Variants in LCOR observed in about 807,000 individuals in gnomAD.
The protein encoded by LCOR is ligand-dependent corepressor.
In LCOR, 14 loss-of-function variants were observed where a neutral mutation model predicts 64.4. That is an observed-to-expected ratio of 0.22 (90% CI 0.14 to 0.34). The LOEUF is 0.34. Among genes scored for constraint, LCOR ranks in the 10% least tolerant of loss-of-function variants. The pLI, the probability that LCOR is intolerant of heterozygous loss-of-function variation, is 1.00. For synonymous variants in LCOR, 643 were observed against 642.5 expected (o/e 1.00, Z -0.01); for missense variants, 1,686 against 1,765.3 (o/e 0.96, Z 0.80).
At chr10:96,937,458 T>C (rs1198809106) in intron 4 of LCOR, among the ~76,000 whole-genome samples, 1 of 152,240 alleles carries the variant, frequency 6.6e-6, no homozygotes, top group Non-Finnish European at 1.5e-5. Context: ...ATTAGTAATT[T>C]ATAAACTCCC....
At chr10:96,944,284 C>T in intron 5 of LCOR, 39 bp downstream of exon 5, 1 of 962,604 alleles carries the variant, frequency 1.0e-6, no homozygotes, top group Non-Finnish European at 1.2e-6. Context: ...ATCTGCTTGT[C>T]TTGTATTATT....
intron 2 of LCOR, among the ~76,000 whole-genome samples, chr10:96,833,683 C>T (rs550420844): frequency 3.9e-5 from 6 of 152,356 alleles, no homozygotes; most frequent in South Asian, 2.1e-4. Flanking sequence ...CCCTTCTCCC[C>T]CAGGGGAATA....
At chr10:96,980,751 T>C (rs1848076687) in intron 7 of LCOR, 42 bp from the exon 8 acceptor site, 2 of 626,102 alleles carry the variant, frequency 3.2e-6, no homozygotes, top group Admixed American at 2.8e-5. Flanking sequence ...GGTTCTTTGG[T>C]AAATGACAAT....
At chr10:96,854,046 A>G (rs553965591) in intron 2 of LCOR, among the ~76,000 whole-genome samples, 1 of 152,294 alleles carries the variant, frequency 6.6e-6, no homozygotes, top group East Asian at 1.9e-4. Context: ...TCAAGGTGAG[A>G]TTCAGGTGGG....
rs762639752 is a variant in LCOR at position 96,845,449 on chromosome 10, C to CTTTTTTTTT, written c.-330+11999_-330+12007dup. Among the ~76,000 whole-genome samples the CTTTTTTTTT allele has an allele frequency of 4.7e-4, 23 of 48,686 alleles. 8 individuals are homozygous for CTTTTTTTTT. The highest frequency in any genetic ancestry group is 2.7e-3 in the East Asian group (4 of 1,488). The allele number at this position is 48,686 out of a possible 152,430, so 31.9% of individuals were successfully genotyped here. The stretch of plus-strand genomic sequence containing the variant: ...TTTGCCTCTTATAAATGGGCTTATC[C>CTTTTTTTTT]TTTTTTTTTTTTTTTTTTTTTTTTT... On this transcript the variant is annotated intron_variant, in intron 2 of 7. Transcript: ENST00000421806.
chr10:96,929,166 A>G (rs1358964266), intron 4 of LCOR, among the ~76,000 whole-genome samples: 2 of 152,136 alleles, frequency 1.3e-5, no homozygotes, highest in Non-Finnish European at 2.9e-5. Context: ...TAACAATCTC[A>G]TCAACCTGTT....
At chr10:96,963,943 T>C (rs935925037) in intron 7 of LCOR, 3 of 152,218 alleles carry the variant, frequency 2.0e-5, no homozygotes, top group Non-Finnish European at 2.9e-5. Context: ...CCCTTTACTC[T>C]TATGGACCTC....
In LCOR at chr10:96,833,447, G is replaced by T. The variant is rs1564595444; in HGVS notation, c.-362G>T. The T allele has an allele frequency of 2.0e-6, 2 of 986,018 alleles. No homozygotes were observed. The highest frequency in any genetic ancestry group is 6.1e-5 in the Admixed American group (1 of 16,274). The allele number at this position is 986,018 out of a possible 1,614,324, so 61.1% of individuals were successfully genotyped here. On this transcript the variant is annotated 5_prime_UTR_variant, in exon 2 of 8. Coordinates refer to ENST00000421806, the MANE Select transcript of LCOR (RefSeq NM_001346516.2). ...TGCGGCGGCCGGCGGGACCATAAGG[G>T]CTTAACTCATATATTTAACCCCCCT... is the stretch of plus-strand genomic sequence containing the variant.
chr10:96,967,075 T>A (rs1371543504), intron 7 of LCOR, among the ~76,000 whole-genome samples: 2 of 152,166 alleles, frequency 1.3e-5, no homozygotes, highest in Admixed American at 1.3e-4. Flanking sequence ...AATACTACTG[T>A]TTCTTGACTA....
At chr10:96,969,436 AAG>A (rs2134552929) in intron 7 of LCOR, among the ~76,000 whole-genome samples, 1 of 152,356 alleles carries the variant, frequency 6.6e-6, no homozygotes, top group African/African-American at 2.4e-5. Flanking sequence ...TTGGAAGTAG[AAG>A]ATGCTTAAGA....
chr10:96,891,623 A>C (rs991666672), intron 2 of LCOR, among the ~76,000 whole-genome samples: 1 of 129,734 alleles, frequency 7.7e-6, no homozygotes, highest in Non-Finnish European at 1.5e-5. Context: ...GTTCACTGCA[A>C]CTTCTGCCTC....
intron 2 of LCOR, among the ~76,000 whole-genome samples, chr10:96,906,183 A>G (rs537475681): frequency 3.2e-4 from 49 of 152,226 alleles, no homozygotes; most frequent in Non-Finnish European, 5.0e-4. Context: ...TTATGTGGCA[A>G]AATACACAGT....
At chr10:96,904,150 A>G (rs965999984) in intron 2 of LCOR, among the ~76,000 whole-genome samples, 2 of 152,220 alleles carry the variant, frequency 1.3e-5, no homozygotes, top group Non-Finnish European at 2.9e-5. Context: ...TGCCTGTTGA[A>G]CAGTCCCTGG....
chr10:96,919,026 T>G (rs1847003658), intron 4 of LCOR, among the ~76,000 whole-genome samples: 1 of 152,210 alleles, frequency 6.6e-6, no homozygotes, highest in African/African-American at 2.4e-5. Context: ...AGTCTAGATA[T>G]TAAACAAAAT....
chr10:96,911,151 G>T (rs1364426609), intron 4 of LCOR, among the ~76,000 whole-genome samples: 4 of 145,052 alleles, frequency 2.8e-5, no homozygotes, highest in Non-Finnish European at 5.9e-5. Flanking sequence ...AGGCTGGGGT[G>T]CAGTGGTGTC....
At chr10:96,897,069 G>A (rs12263302) in intron 2 of LCOR, among the ~76,000 whole-genome samples, 2 of 116,410 alleles carry the variant, frequency 1.7e-5, no homozygotes, top group African/African-American at 3.8e-5. Context: ...GAGAGAGAGA[G>A]AGAGAAAGAG....
At chr10:96,962,979 C>T (rs895694804) in intron 7 of LCOR, 2 of 152,216 alleles carry the variant, frequency 1.3e-5, no homozygotes, top group Admixed American at 6.5e-5. Context: ...TATTCTTAAA[C>T]CTAACAGTGA....
intron 7 of LCOR, among the ~76,000 whole-genome samples, chr10:96,968,947 A>G (rs920710884): frequency 1.6e-4 from 25 of 152,100 alleles, no homozygotes; most frequent in Admixed American, 3.3e-4. Flanking sequence ...CAAAAAAAAA[A>G]AAATTCAGCG....
chr10:96,920,826 G>A (rs564698573), intron 4 of LCOR, among the ~76,000 whole-genome samples: 2 of 150,858 alleles, frequency 1.3e-5, no homozygotes, highest in Non-Finnish European at 2.9e-5. Context: ...GAGACAGGAT[G>A]TTACTCTGTT....
Sources: allele counts gnomAD v4.1 joint callset (sites outside exome capture counted in the v4.1 genomes callset), GRCh38; gene constraint gnomAD v4.1.1; transcripts MANE v1.5; gene names NCBI Gene and HGNC (gene_info 2026-07-23, HGNC 2026-07-21).